PHLDB2: variants seen among roughly 807,000 people sequenced by gnomAD.
PHLDB2 encodes pleckstrin homology-like domain family B member 2.
A neutral mutation model predicts 123.6 loss-of-function variants in PHLDB2; 71 were observed. That is an observed-to-expected ratio of 0.57 (90% CI 0.47 to 0.70). The LOEUF (loss-of-function observed/expected upper bound fraction) is 0.70. PHLDB2 is among the 30% of genes least tolerant of loss of function. The pLI is 0.00. For synonymous variants in PHLDB2, 547 were observed against 541.6 expected (o/e 1.01, Z -0.14); for missense variants, 1,446 against 1,519.5 (o/e 0.95, Z 0.80).
chr3:111,945,776 C>T (rs2107616226), intron 9 of PHLDB2, among the ~76,000 whole-genome samples: 1 of 152,168 alleles, frequency 6.6e-6, no homozygotes, highest in South Asian at 2.1e-4. Flanking sequence ...TGCCTGCAAA[C>T]ATTTTAGAAG....
rs183359776 is a variant in PHLDB2, at chr3:111,939,313, G to A, written c.2131-162G>A. On this transcript the variant is annotated intron_variant, in intron 6 of 17. Transcript: ENST00000431670. ...CTTTTCGATTCCCTCTAACAGTCAC[G>A]TTCTGGGATTTAACTCCAAAAGATA... 8.0e-4 allele frequency among the ~76,000 whole-genome samples: 122 copies of A among 152,248 alleles called. 2 individuals carry two copies. Among genetic ancestry groups the A allele is most frequent in the Non-Finnish European group, 2.2e-4 (15 of 68,026 alleles).
At position 111,919,183 on chromosome 3, in the gene PHLDB2, A is replaced by G. The variant is rs1488758705; in HGVS notation, c.1831A>G (p.Ile611Val). Residue 611 changes from isoleucine (I) to valine (V), a missense_variant, in exon 4 of 18, where the codon ATA (isoleucine) becomes GTA (valine). By Grantham distance (29) the Ile-to-Val change is conservative (BLOSUM62 3). Transcript: ENST00000431670. ...LEELKQKIKD[I>V]NDQMDESFRE... ...GGAACTTAAGCAAAAAATCAAAGAC[A>G]TAAATGATCAGATGGATGAGTCTTT... is the stretch of plus-strand genomic sequence containing the variant. 5.6e-6 allele frequency: 9 copies of G among 1,614,072 alleles called. No homozygotes were observed. The highest frequency in any genetic ancestry group is 1.1e-5 in the South Asian group (1 of 91,090).
In PHLDB2 at chr3:111,884,583, G is replaced by T; in HGVS notation, c.506G>T (p.Gly169Val). 6.2e-7 allele frequency: 1 copy of T among 1,614,138 alleles called. No individual in the cohort carries two copies. The highest frequency in any genetic ancestry group is 8.5e-7 in the Non-Finnish European group (1 of 1,180,016). Residue 169 changes from glycine (G) to valine (V), a missense_variant, in exon 2 of 18, where the codon GGT (glycine) becomes GTT (valine). Gly to Val is a moderately radical substitution (Grantham distance 109). This residue lies in a region of PHLDB2 where 832 missense variants were observed against 831.9 expected (regional missense o/e 1.00). Coordinates refer to ENST00000431670, the MANE Select transcript of PHLDB2 (RefSeq NM_001134438.2). ...DNVYSLGGLE[G>V]RKASGSLLAM... Reference sequence around the variant, plus strand: ...GTCTACTCTCTTGGAGGGCTGGAAGGTCGGAAGGCATCTGGCTCGCTCCTG... The same window carrying T: ...GTCTACTCTCTTGGAGGGCTGGAAGTTCGGAAGGCATCTGGCTCGCTCCTG...
chr3:111,781,477 A>G (rs2060474928), intron 1 of PHLDB2, among the ~76,000 whole-genome samples: 1 of 152,038 alleles, frequency 6.6e-6, no homozygotes. Context: ...ATGCTCCAAT[A>G]CCAATACCAA....
At chr3:111,929,120 A>T (rs1438113849) in intron 5 of PHLDB2, among the ~76,000 whole-genome samples, 2 of 152,086 alleles carry the variant, frequency 1.3e-5, no homozygotes, top group Non-Finnish European at 2.9e-5. Flanking sequence ...TAAAAAATTA[A>T]TCTGGTATGG....
chr3:111,852,230 C>T (rs1194408025), intron 2 of PHLDB2, among the ~76,000 whole-genome samples: 1 of 151,158 alleles, frequency 6.6e-6, no homozygotes, highest in East Asian at 1.9e-4. Flanking sequence ...TCAATTTGGA[C>T]ATCTATCCAA....
intron 2 of PHLDB2, chr3:111,845,947 A>C: frequency 6.2e-7 from 1 of 1,610,724 alleles, no homozygotes; most frequent in Non-Finnish European, 8.5e-7. Context: ...TGAGAACTTT[A>C]TTGTCAGAGG....
At chr3:111,770,173 G>A (rs1416787146) in intron 1 of PHLDB2, among the ~76,000 whole-genome samples, 1 of 152,212 alleles carries the variant, frequency 6.6e-6, no homozygotes, top group Admixed American at 6.5e-5. Flanking sequence ...CTTGTAGAAG[G>A]TGCTTCCTCT....
intron 2 of PHLDB2, chr3:111,885,682 A>T: frequency 1.6e-6 from 1 of 634,996 alleles, no homozygotes. Flanking sequence ...TAAAAACATA[A>T]CAGAGGAGTT....
Position 111,920,287 on chromosome 3 carries a change from T to C in PHLDB2, c.1869T>C (p.Asp623=). ...GCTTTGGTTTGTGTCCTTAGTTGGATATGGAATGTGCTCTTTTGGATGGAG... is the reference window on the plus strand; with the variant it reads ...GCTTTGGTTTGTGTCCTTAGTTGGACATGGAATGTGCTCTTTTGGATGGAG... ...DQMDESFREL[D]MECALLDGEQ... The change falls in exon 5 of 18, where the codon GAT becomes GAC. Residue 623 remains aspartate (D), a synonymous_variant. Coordinates refer to ENST00000431670, the MANE Select transcript of PHLDB2 (RefSeq NM_001134438.2). 6.2e-7 allele frequency: 1 copy of C among 1,613,510 alleles called. No homozygotes were observed. The highest frequency in any genetic ancestry group is 8.5e-7 in the Non-Finnish European group (1 of 1,179,802).
intron 2 of PHLDB2, among the ~76,000 whole-genome samples, chr3:111,895,869 TATCC>T (rs761340623): frequency 0.044 from 4,296 of 97,778 alleles, 76 homozygotes; most frequent in Non-Finnish European, 0.054. Flanking sequence ...TCTATCTATC[TATCC>T]ATCTATCTAT....
rs2069728321 is a variant in PHLDB2 at position 111,939,538 on chromosome 3, CATGAGAGCCGTCTAG to C, written c.2199_2213del (p.Ser734_Glu738del). The C allele has an allele frequency of 6.2e-7, 1 of 1,613,828 alleles. No individual in the cohort carries two copies. Among genetic ancestry groups the C allele is most frequent in the Non-Finnish European group, 8.5e-7 (1 of 1,179,856 alleles). ...AGACCTGGAGTTCCAGCAGCTTGAA[CATGAGAGCCGTCTAG>C]ATGAAGAAAAGGAGAACTTGACTCA... On this transcript the variant is annotated inframe_deletion, in exon 7 of 18. Transcript: ENST00000431670.
intron 1 of PHLDB2, among the ~76,000 whole-genome samples, chr3:111,873,560 AT>A (rs1260271546): frequency 6.6e-6 from 1 of 152,210 alleles, no homozygotes; most frequent in Non-Finnish European, 1.5e-5. Flanking sequence ...AAACCCTTCA[AT>A]TCTTTACTGT....
intron 15 of PHLDB2, among the ~76,000 whole-genome samples, chr3:111,968,207 T>C (rs2071926993): frequency 6.6e-6 from 1 of 152,182 alleles, no homozygotes; most frequent in Non-Finnish European, 1.5e-5. Context: ...CTGAAACCTT[T>C]GCTTGGGGAA....
intron 12 of PHLDB2, among the ~76,000 whole-genome samples, chr3:111,955,898 T>A (rs1415685857): frequency 1.3e-5 from 2 of 152,146 alleles, no homozygotes; most frequent in Non-Finnish European, 2.9e-5. Flanking sequence ...ATTACTATAC[T>A]CCATGTTAAA....
chr3:111,875,820 CAAAA>C (rs34846400), intron 1 of PHLDB2, among the ~76,000 whole-genome samples: 3 of 115,028 alleles, frequency 2.6e-5, no homozygotes, highest in Admixed American at 1.7e-4. Context: ...AAGACTGTCT[CAAAA>C]AAAAAAAAAA....
At chr3:111,871,694 G>T (rs1435725411) in intron 1 of PHLDB2, among the ~76,000 whole-genome samples, 4 of 151,996 alleles carry the variant, frequency 2.6e-5, no homozygotes, top group Non-Finnish European at 5.9e-5. Flanking sequence ...TTGTTTCTTC[G>T]GTGTGTTTTC....
rs751834001 is a variant in PHLDB2 at position 111,913,300 on chromosome 3, C to G, written c.1336-19C>G. 2 of 1,557,860 alleles carry G rather than the reference C, an allele frequency of 1.3e-6. No individual in the cohort carries two copies. Among genetic ancestry groups the G allele is most frequent in the Non-Finnish European group, 8.7e-7 (1 of 1,154,458 alleles). On this transcript the variant is annotated intron_variant, in intron 2 of 17. Transcript: ENST00000431670. ...ATTCTCACAAACCCACTGACCTCCC[C>G]CTCCTCCCTGTGTTCCAGGAGAGAC... is the stretch of plus-strand genomic sequence containing the variant.
At position 111,969,888 on chromosome 3, in the gene PHLDB2, C is replaced by G. The variant is rs1037138313; in HGVS notation, c.3514C>G (p.Arg1172Gly). 1 of 1,613,806 alleles carries G rather than the reference C, an allele frequency of 6.2e-7. No individual in the cohort carries two copies. The highest frequency in any genetic ancestry group is 1.6e-4 in the Middle Eastern group (1 of 6,062). ...KRWFVFDRNK[R>G]TFSYYADKHE... The stretch of plus-strand genomic sequence containing the variant: ...TTGGTTTGTTTTTGATCGGAACAAG[C>G]GAACATTCTCTTATTATGCAGGTGG... The change falls in exon 16 of 18, where the codon CGA (arginine) becomes GGA (glycine). Residue 1172 changes from arginine (R) to glycine (G), a missense_variant. By Grantham distance (125) the Arg-to-Gly change is moderately radical. This residue lies in a region of PHLDB2 where 594 missense variants were observed against 646.0 expected (regional missense o/e 0.92). Transcript: ENST00000431670.
Sources: allele counts gnomAD v4.1 joint callset (sites outside exome capture counted in the v4.1 genomes callset), GRCh38; gene constraint gnomAD v4.1.1; regional missense constraint gnomAD v4.1.1; transcripts MANE v1.5; gene names NCBI Gene and HGNC (gene_info 2026-07-23, HGNC 2026-07-21).